Variants in FCHSD2 observed in about 807,000 individuals in gnomAD.
FCHSD2 encodes the protein FCH and double SH3 domains 2.
A neutral mutation model predicts 108.1 loss-of-function variants in FCHSD2; 38 were observed. That is an observed-to-expected ratio of 0.35 (90% confidence interval 0.27 to 0.46). The LOEUF is 0.46. Ranked by LOEUF, FCHSD2 falls within the 20% of genes least tolerant of loss-of-function variation. The pLI, the probability that FCHSD2 is intolerant of heterozygous loss-of-function variation, is 1.00. For missense variants in FCHSD2, 751 were observed against 897.8 expected, an observed-to-expected ratio of 0.84 and a Z score of 2.09; for synonymous variants, 279 against 314.7, an observed-to-expected ratio of 0.89 and a Z score of 1.20.
chr11:72,865,197 G>A (rs1854694771), intron 13 of FCHSD2, among the ~76,000 whole-genome samples: 1 of 152,172 alleles, frequency 6.6e-6, no homozygotes, highest in African/African-American at 2.4e-5. Flanking sequence ...AAATAATTTA[G>A]CCTCTAGAAT....
intron 2 of FCHSD2, among the ~76,000 whole-genome samples, chr11:73,099,457 G>A (rs1295246943): frequency 6.6e-6 from 1 of 151,976 alleles, no homozygotes; most frequent in Non-Finnish European, 1.5e-5. Context: ...GTATATACTC[G>A]AGAGAAAACA....
At position 73,002,575 on chromosome 11, in the gene FCHSD2, C is replaced by T. The variant is rs79183144; in HGVS notation, c.243-1441G>A. Among the ~76,000 whole-genome samples, 494 of 152,048 alleles carry T rather than the reference C, an allele frequency of 3.2e-3. 1 individual carries two copies. The highest frequency in any genetic ancestry group is 0.011 in the African/African-American group (464 of 41,424). On this transcript the variant is annotated intron_variant, in intron 4 of 19. Transcript: ENST00000409418. Reference sequence around the variant, plus strand: ...TATGATTTGTAACTATTAATTTATACTTAAAATACATTTTAAAATAATAAA... The same window carrying T: ...TATGATTTGTAACTATTAATTTATATTTAAAATACATTTTAAAATAATAAA...
intron 5 of FCHSD2, among the ~76,000 whole-genome samples, chr11:72,995,708 CAAAA>C (rs760202806): frequency 1.6e-5 from 1 of 63,078 alleles, no homozygotes; most frequent in African/African-American, 5.6e-5. Flanking sequence ...AATTCTGTCT[CAAAA>C]AAAAAAAAAA....
intron 10 of FCHSD2, among the ~76,000 whole-genome samples, chr11:72,896,987 C>T (rs541464083): frequency 1.9e-4 from 29 of 151,822 alleles, no homozygotes; most frequent in South Asian, 1.0e-3. Flanking sequence ...CCACCACGCC[C>T]GGCTAATTTT....
At chr11:73,052,149 C>T (rs900192902) in intron 3 of FCHSD2, among the ~76,000 whole-genome samples, 3 of 152,096 alleles carry the variant, frequency 2.0e-5, no homozygotes, top group Admixed American at 2.0e-4. Context: ...TATATGTGAT[C>T]TGAACATGAT....
chr11:73,018,364 TC>T (rs1044097181), intron 3 of FCHSD2, among the ~76,000 whole-genome samples: 3 of 152,206 alleles, frequency 2.0e-5, no homozygotes, highest in Admixed American at 2.0e-4. Context: ...TGTGTCTTTT[TC>T]TAAAACGCCT....
At chr11:72,983,723 T>C (rs982174918) in intron 8 of FCHSD2, 9 of 386,836 alleles carry the variant, frequency 2.3e-5, no homozygotes, top group Middle Eastern at 4.1e-4. Context: ...CAATAATTTA[T>C]TGAAACCATG....
chr11:72,868,060 C>T, intron 12 of FCHSD2, 34 bp from the exon 13 acceptor site: 1 of 1,540,078 alleles, frequency 6.5e-7, no homozygotes, highest in Non-Finnish European at 8.8e-7. Flanking sequence ...GAAATCAAGG[C>T]TTTTATTATT....
intron 8 of FCHSD2, among the ~76,000 whole-genome samples, chr11:72,959,853 G>GGTGTGTGTGTGTGTGTGT (rs58451717): frequency 2.9e-4 from 42 of 145,894 alleles, no homozygotes; most frequent in Non-Finnish European, 3.9e-4. Context: ...AAGTTTCTAG[G>GGTGTGTGTGTGTGTGTGT]GTGTGTGTGT....
intron 3 of FCHSD2, chr11:73,077,637 T>C (rs902991947): frequency 4.8e-5 from 21 of 435,986 alleles, no homozygotes; most frequent in African/African-American, 4.1e-4. Context: ...AACAGGAAAA[T>C]GGATAAACTG....
intron 2 of FCHSD2, among the ~76,000 whole-genome samples, chr11:73,134,346 T>G (rs971832651): frequency 1.3e-5 from 2 of 152,094 alleles, no homozygotes; most frequent in Non-Finnish European, 2.9e-5. Flanking sequence ...GGTGCATGCC[T>G]GTGGTCCCAG....
chr11:72,994,193 C>T (rs191265796), intron 5 of FCHSD2, among the ~76,000 whole-genome samples: 2 of 152,252 alleles, frequency 1.3e-5, no homozygotes, highest in Admixed American at 6.5e-5. Context: ...AGATGCTTCC[C>T]TACTGGCAAA....
chr11:72,868,508 C>T (rs942428597), intron 12 of FCHSD2, among the ~76,000 whole-genome samples: 1 of 151,928 alleles, frequency 6.6e-6, no homozygotes, highest in Non-Finnish European at 1.5e-5. Flanking sequence ...ACATCCTGCA[C>T]ACGTATCCGG....
chr11:73,102,299 C>T (rs979315111), intron 2 of FCHSD2, among the ~76,000 whole-genome samples: 4 of 152,130 alleles, frequency 2.6e-5, no homozygotes, highest in Non-Finnish European at 5.9e-5. Context: ...TATAGATAGA[C>T]TCTGGGGAAA....
chr11:73,107,641 T>A lies in FCHSD2; in HGVS notation c.120-23901A>T, dbSNP rs967267273. On this transcript the variant is annotated intron_variant, in intron 2 of 19. Transcript: ENST00000409418. ...CAGTAAACTTCCTTCTACTCTCGAGTTCCATGAGTTCAAATGTTTTCATTT... is the reference window on the plus strand; with the variant it reads ...CAGTAAACTTCCTTCTACTCTCGAGATCCATGAGTTCAAATGTTTTCATTT... Among the ~76,000 whole-genome samples, 5 of 152,266 alleles carry A rather than the reference T, an allele frequency of 3.3e-5. 1 individual carries two copies. The highest frequency in any genetic ancestry group is 4.1e-4 in the South Asian group (2 of 4,826).
chr11:72,840,508 AT>A (rs1860889684), intron 19 of FCHSD2, among the ~76,000 whole-genome samples: 1 of 152,184 alleles, frequency 6.6e-6, no homozygotes, highest in African/African-American at 2.4e-5. Context: ...TTAGCTTATT[AT>A]TTCATCTTGG....
intron 3 of FCHSD2, among the ~76,000 whole-genome samples, chr11:73,051,951 A>G (rs1858913438): frequency 6.6e-6 from 1 of 151,712 alleles, no homozygotes; most frequent in South Asian, 2.1e-4. Context: ...AAATTCCACC[A>G]AAGATGTTTG....
At chr11:72,886,274 A>G (rs1264426190) in intron 12 of FCHSD2, among the ~76,000 whole-genome samples, 1 of 152,132 alleles carries the variant, frequency 6.6e-6, no homozygotes, top group Non-Finnish European at 1.5e-5. Flanking sequence ...CCCAATACTA[A>G]ACTCACATCT....
At chr11:73,131,641 T>C (rs1591580436) in intron 2 of FCHSD2, among the ~76,000 whole-genome samples, 1 of 151,674 alleles carries the variant, frequency 6.6e-6, no homozygotes, top group Admixed American at 6.6e-5. Context: ...AAGGCAGAGG[T>C]TGCAGTAAGC....
Sources: allele counts gnomAD v4.1 joint callset (sites outside exome capture counted in the v4.1 genomes callset), GRCh38; gene constraint gnomAD v4.1.1; transcripts MANE v1.5; gene names NCBI Gene and HGNC (gene_info 2026-07-23, HGNC 2026-07-21).